The following GPC6 variants were observed in gnomAD, a reference collection of about 807,000 sequenced individuals.
The protein encoded by GPC6 is glypican 6, also known as glypican-6.
Under a neutral mutation model 55.2 loss-of-function variants are expected in GPC6, and 14 were observed. The observed-to-expected ratio is 0.25, with a 90% confidence interval of 0.17 to 0.40. The LOEUF is 0.40. GPC6 is among the 10% of genes least tolerant of loss of function. The pLI, the probability that GPC6 is intolerant of heterozygous loss-of-function variation, is 1.00. For synonymous variants in GPC6, 278 were observed against 259.6 expected (o/e 1.07, Z -0.68); for missense variants, 641 against 708.5 (o/e 0.90, Z 1.08).
intron 1 of GPC6, among the ~76,000 whole-genome samples, chr13:93,381,203 T>C (rs895303414): frequency 1.3e-5 from 2 of 152,050 alleles, no homozygotes; most frequent in African/African-American, 4.8e-5. Context: ...CAGGAATAAG[T>C]GTGTGTACCT....
At chr13:94,158,437 C>T (rs1411547779) in intron 4 of GPC6, among the ~76,000 whole-genome samples, 1 of 149,334 alleles carries the variant, frequency 6.7e-6, no homozygotes. Flanking sequence ...ATGCCATTAA[C>T]TCCTTTAAAG....
At chr13:93,342,583 A>G (rs1383838729) in intron 1 of GPC6, among the ~76,000 whole-genome samples, 1 of 152,148 alleles carries the variant, frequency 6.6e-6, no homozygotes, top group Non-Finnish European at 1.5e-5. Flanking sequence ...TCAAGATGAG[A>G]CTTGGGTGGG....
intron 3 of GPC6, among the ~76,000 whole-genome samples, chr13:94,026,405 C>T (rs1283319023): frequency 6.6e-6 from 1 of 151,702 alleles, no homozygotes; most frequent in Non-Finnish European, 1.5e-5. Context: ...TCTGAATGTT[C>T]TTGTTACCTG....
At chr13:93,459,345 C>T (rs1192290946) in intron 1 of GPC6, among the ~76,000 whole-genome samples, 1 of 152,190 alleles carries the variant, frequency 6.6e-6, no homozygotes, top group African/African-American at 2.4e-5. Flanking sequence ...GGATTATAGG[C>T]GTGAGCCAAC....
At chr13:93,486,026 A>G (rs1879700545) in intron 1 of GPC6, among the ~76,000 whole-genome samples, 1 of 152,240 alleles carries the variant, frequency 6.6e-6, no homozygotes, top group Non-Finnish European at 1.5e-5. Flanking sequence ...GAGGAAGAAT[A>G]GGCATAAAAG....
intron 2 of GPC6, among the ~76,000 whole-genome samples, chr13:93,641,215 C>T (rs898539767): frequency 2.6e-5 from 4 of 152,002 alleles, no homozygotes; most frequent in Non-Finnish European, 4.4e-5. Context: ...ACTGCATTCA[C>T]AATTGTGTCC....
intron 2 of GPC6, among the ~76,000 whole-genome samples, chr13:93,689,200 A>C (rs2138777715): frequency 6.6e-6 from 1 of 152,200 alleles, no homozygotes; most frequent in South Asian, 2.1e-4. Context: ...CGATCCCAGA[A>C]GGCAAAAACA....
At chr13:93,957,143 G>A (rs1366116164) in intron 3 of GPC6, among the ~76,000 whole-genome samples, 2 of 151,920 alleles carry the variant, frequency 1.3e-5, no homozygotes, top group Admixed American at 6.6e-5. Context: ...TAACTATTTA[G>A]CTAGCTTATT....
chr13:94,109,252 AC>A lies in GPC6; in HGVS notation c.877+81359del, dbSNP rs1886158323. On this transcript the variant is annotated intron_variant, in intron 4 of 8. Transcript: ENST00000377047. ...TGGGTGCTATGGCAGCAGAGATTTT[AC>A]AAGGATGACAGAATTCTTGTAACAA... 2.6e-5 allele frequency among the ~76,000 whole-genome samples: 4 copies of A among 152,332 alleles called. No homozygotes were observed. The South Asian group carries it at 8.3e-4, about 32-fold the overall frequency.
At chr13:93,732,426 A>G (rs1396412565) in intron 2 of GPC6, among the ~76,000 whole-genome samples, 1 of 152,030 alleles carries the variant, frequency 6.6e-6, no homozygotes, top group Non-Finnish European at 1.5e-5. Context: ...AAGCAATGAG[A>G]CCCCTGGGAG....
chr13:94,307,684 A>G (rs1876022785), intron 6 of GPC6, among the ~76,000 whole-genome samples: 1 of 152,224 alleles, frequency 6.6e-6, no homozygotes, highest in African/African-American at 2.4e-5. Context: ...TTAAACAACC[A>G]ATTAGATTCC....
chr13:94,282,876 C>T (rs1167202684), intron 4 of GPC6, among the ~76,000 whole-genome samples: 1 of 152,200 alleles, frequency 6.6e-6, no homozygotes, highest in African/African-American at 2.4e-5. Flanking sequence ...AGTCACTGAG[C>T]CAATCCAGAT....
chr13:93,892,946 A>G (rs563759234), intron 3 of GPC6, among the ~76,000 whole-genome samples: 1 of 151,266 alleles, frequency 6.6e-6, no homozygotes, highest in East Asian at 2.0e-4. Flanking sequence ...TTGGAAATGC[A>G]AAGTATAAAT....
intron 4 of GPC6, among the ~76,000 whole-genome samples, chr13:94,189,801 C>T (rs1347639364): frequency 2.0e-5 from 3 of 152,112 alleles, no homozygotes; most frequent in South Asian, 2.1e-4. Flanking sequence ...GCGGGCAGAT[C>T]ACAAGGTCAG....
At chr13:94,290,449 AG>A (rs372864114) in intron 5 of GPC6, among the ~76,000 whole-genome samples, 2,395 of 140,504 alleles carry the variant, frequency 0.017, 38 homozygotes, top group African/African-American at 0.066. Flanking sequence ...AAAAAAAAAA[AG>A]AAAAAGAAAA....
intron 4 of GPC6, among the ~76,000 whole-genome samples, chr13:94,166,959 T>C (rs944317429): frequency 6.6e-6 from 1 of 152,196 alleles, no homozygotes; most frequent in African/African-American, 2.4e-5. Flanking sequence ...TGGAATAAAA[T>C]GAGCATGGAC....
At chr13:93,777,264 A>G (rs1264443205) in intron 2 of GPC6, among the ~76,000 whole-genome samples, 3 of 152,062 alleles carry the variant, frequency 2.0e-5, no homozygotes, top group Non-Finnish European at 4.4e-5. Context: ...TACGTTCTCC[A>G]CTTTTCTGTG....
intron 4 of GPC6, among the ~76,000 whole-genome samples, chr13:94,102,739 T>C (rs1046005254): frequency 5.3e-5 from 8 of 152,116 alleles, no homozygotes; most frequent in Non-Finnish European, 1.2e-4. Context: ...TGACAGAAAG[T>C]AGAGTTATGT....
intron 7 of GPC6, among the ~76,000 whole-genome samples, chr13:94,383,598 A>G (rs1880273738): frequency 6.6e-6 from 1 of 152,202 alleles, no homozygotes; most frequent in South Asian, 2.1e-4. Context: ...GGCTATTAAT[A>G]TAAAGTGCAT....
Sources: gnomAD v4.1 joint callset for allele counts (sites outside exome capture counted in the v4.1 genomes callset) on GRCh38, gnomAD v4.1.1 for gene constraint, MANE v1.5 for transcripts, NCBI Gene and HGNC (gene_info 2026-07-23, HGNC 2026-07-21) for gene names.